Variants in RANBP3 observed in about 807,000 individuals in gnomAD.
RANBP3 encodes the protein ran-binding protein 3.
RANBP3 carries 14 observed loss-of-function variants against 77.3 expected under a neutral mutation model. That is an observed-to-expected ratio of 0.18 (90% CI 0.12 to 0.28). The LOEUF (loss-of-function observed/expected upper bound fraction) is 0.28, where lower values mean the gene tolerates loss of function less well. RANBP3 is among the 10% of genes least tolerant of loss of function. The probability of loss-of-function intolerance (pLI) is 1.00; values close to 1 mark genes in which losing one functional copy is unlikely to be tolerated. For synonymous variants in RANBP3, 315 were observed against 312.4 expected (o/e 1.01, Z -0.09); for missense variants, 586 against 752.3 (o/e 0.78, Z 2.59).
intron 13 of RANBP3, among the ~76,000 whole-genome samples, chr19:5,922,854 C>A (rs557735447): frequency 6.6e-6 from 1 of 152,344 alleles, no homozygotes; most frequent in East Asian, 1.9e-4. Flanking sequence ...GCACAAGAAT[C>A]CCTTGAACCC....
intron 15 of RANBP3, among the ~76,000 whole-genome samples, chr19:5,918,231 C>G (rs573575023): frequency 6.6e-6 from 1 of 152,342 alleles, no homozygotes; most frequent in African/African-American, 2.4e-5. Flanking sequence ...GAGGTGACCG[C>G]CCCACAGGGC....
chr19:5,922,337 T>C (rs2057832784), intron 13 of RANBP3, among the ~76,000 whole-genome samples: 1 of 152,062 alleles, frequency 6.6e-6, no homozygotes, highest in Non-Finnish European at 1.5e-5. Context: ...GATGACAAAG[T>C]GGTAAGTGGG....
intron 5 of RANBP3, among the ~76,000 whole-genome samples, chr19:5,936,998 G>A (rs890169738): frequency 3.0e-5 from 4 of 134,284 alleles, no homozygotes; most frequent in Non-Finnish European, 4.6e-5. Flanking sequence ...AGAGGGTGCA[G>A]TGAGCCAAGA....
chr19:5,935,853 C>G (rs891842630), intron 5 of RANBP3: 5 of 455,856 alleles, frequency 1.1e-5, no homozygotes, highest in Non-Finnish European at 2.2e-5. Context: ...CAACACAGGT[C>G]GCAACACAAG....
At chr19:5,953,280 G>A (rs2058297026) in intron 2 of RANBP3, among the ~76,000 whole-genome samples, 1 of 152,194 alleles carries the variant, frequency 6.6e-6, no homozygotes, top group African/African-American at 2.4e-5. Context: ...GGAATCGTAA[G>A]CTCTAAAGAA....
At chr19:5,932,771 AT>A in intron 6 of RANBP3, 2 of 561,528 alleles carry the variant, frequency 3.6e-6, no homozygotes, top group Non-Finnish European at 6.4e-6. Context: ...ACGCCTGTGA[AT>A]TAATCCAGTT....
chr19:5,921,143 A>C lies in RANBP3; in HGVS notation c.1330+58T>G, dbSNP rs1381312631. ...CCCGCTTCATTCCCTTTGGAATTGC[A>C]TAGTCCCCAGCCCTCCCCATGGGGA... On this transcript the variant is annotated intron_variant, in intron 14 of 16. Transcript: ENST00000340578. This position sits in a 1 kb window ranked among gnomAD's most constrained non-coding sequence, Gnocchi z 5.3. 23 of 1,565,756 alleles carry C rather than the reference A, an allele frequency of 1.5e-5. No homozygotes were observed. Among genetic ancestry groups the C allele is most frequent in the Non-Finnish European group, 1.9e-5 (22 of 1,156,178 alleles).
intron 7 of RANBP3, 68 bp downstream of exon 7, chr19:5,932,384 C>T: frequency 7.9e-7 from 1 of 1,270,852 alleles, no homozygotes; most frequent in Non-Finnish European, 1.1e-6. Context: ...CACTGCTGTC[C>T]CGGGTGCGAC....
chr19:5,917,729 G>C, intron 16 of RANBP3, 65 bp downstream of exon 16: 3 of 1,587,760 alleles, frequency 1.9e-6, no homozygotes. Flanking sequence ...CAGGAGATCA[G>C]CACTGGATCA....
Position 5,952,831 on chromosome 19 carries a change from C to T in RANBP3, c.79-1235G>A, listed in dbSNP as rs1014832493. 5.3e-5 allele frequency among the ~76,000 whole-genome samples: 8 copies of T among 152,200 alleles called. No homozygotes were observed. Among genetic ancestry groups the T allele is most frequent in the African/African-American group, 1.9e-4 (8 of 41,454 alleles). On this transcript the variant is annotated intron_variant, in intron 2 of 16. Coordinates refer to ENST00000340578, the MANE Select transcript of RANBP3 (RefSeq NM_007322.3). This position sits in a 1 kb window ranked among gnomAD's most constrained non-coding sequence, Gnocchi z 4.1. ...CACTGTCGCCTCTTCGTATCCAGGGCAGAGCCACGGACCAGCCGCTCTCTA... is the reference window on the plus strand; with the variant it reads ...CACTGTCGCCTCTTCGTATCCAGGGTAGAGCCACGGACCAGCCGCTCTCTA...
At chr19:5,954,176 G>C (rs1404018083) in intron 2 of RANBP3, among the ~76,000 whole-genome samples, 1 of 152,230 alleles carries the variant, frequency 6.6e-6, no homozygotes, top group East Asian at 1.9e-4. Context: ...TGAATGGCGT[G>C]AGAGGGATGG....
At chr19:5,938,782 G>C (rs976804573) in intron 5 of RANBP3, among the ~76,000 whole-genome samples, 3 of 152,226 alleles carry the variant, frequency 2.0e-5, no homozygotes, top group Non-Finnish European at 4.4e-5. Context: ...ACAAAAAAGA[G>C]GTCTAGAAAT....
At chr19:5,925,584 G>A (rs145263301) in intron 10 of RANBP3, 50 bp downstream of exon 10, 285 of 1,539,530 alleles carry the variant, frequency 1.9e-4, no homozygotes, top group Admixed American at 1.4e-3. Context: ...AAGCCCTCGC[G>A]GCCACCTGCA....
chr19:5,924,977 T>C lies in RANBP3; in HGVS notation c.918-72A>G, dbSNP rs1017783649. 4 of 1,359,344 alleles carry C rather than the reference T, an allele frequency of 2.9e-6. No homozygotes were observed. The highest frequency in any genetic ancestry group is 3.4e-5 in the Admixed American group (2 of 59,648). 84.2% of individuals were successfully genotyped at this position (1,359,344 alleles called of 1,614,324 possible). ...GGCCAGGCAAATGTATGGGTACCCA[T>C]GGAGCACACACTGACACAGAGGGCA... is the stretch of plus-strand genomic sequence containing the variant. On this transcript the variant is annotated intron_variant, in intron 10 of 16. Coordinates refer to ENST00000340578, the MANE Select transcript of RANBP3 (RefSeq NM_007322.3). This position sits in a 1 kb window ranked among gnomAD's most constrained non-coding sequence, Gnocchi z 4.7.
intron 15 of RANBP3, among the ~76,000 whole-genome samples, 167 bp from the exon 16 acceptor site, chr19:5,918,147 C>G (rs1015157705): frequency 1.3e-5 from 2 of 152,208 alleles, no homozygotes; most frequent in Non-Finnish European, 2.9e-5. Context: ...AAGGATGCCA[C>G]CACTCCCAGG....
At chr19:5,951,621 C>T in intron 2 of RANBP3, 25 bp from the exon 3 acceptor site, 4 of 1,599,316 alleles carry the variant, frequency 2.5e-6, no homozygotes, top group Non-Finnish European at 3.4e-6. Context: ...GACAATTTTC[C>T]TTCAATGTGA....
At chr19:5,928,282 C>A in intron 8 of RANBP3, 195 bp from the exon 9 acceptor site, 1 of 514,730 alleles carries the variant, frequency 1.9e-6, no homozygotes, top group Non-Finnish European at 3.3e-6. Flanking sequence ...GATCACACCA[C>A]TGCACTCCAG....
intron 8 of RANBP3, among the ~76,000 whole-genome samples, chr19:5,930,559 C>A (rs2057975103): frequency 6.6e-6 from 1 of 152,166 alleles, no homozygotes; most frequent in Admixed American, 6.5e-5. Context: ...AACCATACCC[C>A]CGCTTAAATG....
rs915459961 is a variant in RANBP3 at position 5,973,283 on chromosome 19, C to G, written c.22+4778G>C. On this transcript the variant is annotated intron_variant, in intron 1 of 16. Coordinates refer to ENST00000340578, the MANE Select transcript of RANBP3 (RefSeq NM_007322.3). Reference sequence around the variant, plus strand: ...AGGTTTTAAGTCAACAAGGTGCAAGCTGAGAGAAGCCAAACCACCCTCAAA... The same window carrying G: ...AGGTTTTAAGTCAACAAGGTGCAAGGTGAGAGAAGCCAAACCACCCTCAAA... Among the ~76,000 whole-genome samples the G allele has an allele frequency of 3.9e-5, 6 of 152,294 alleles. 1 individual carries two copies. The East Asian group carries it at 9.6e-4, about 24-fold the overall frequency.
Sources: allele counts gnomAD v4.1 joint callset (sites outside exome capture counted in the v4.1 genomes callset), GRCh38; gene constraint gnomAD v4.1.1; non-coding constraint Gnocchi (gnomAD v3.1); transcripts MANE v1.5; gene names NCBI Gene and HGNC (gene_info 2026-07-23, HGNC 2026-07-21).